KCNK2: variants seen among roughly 807,000 people sequenced by gnomAD.
KCNK2 encodes potassium channel subfamily K member 2.
In KCNK2, 21 loss-of-function variants were observed where a neutral mutation model predicts 40.5. The ratio of observed to expected loss-of-function variants is 0.52; its 90% CI spans 0.37 to 0.75. The LOEUF (loss-of-function observed/expected upper bound fraction) is 0.75. Ranked by LOEUF, KCNK2 falls within the 30% of genes least tolerant of loss-of-function variation. The pLI is 0.00. For synonymous variants in KCNK2, 191 were observed against 202.2 expected, an observed-to-expected ratio of 0.94 and a Z score of 0.47; for missense variants, 399 against 531.6, an observed-to-expected ratio of 0.75 and a Z score of 2.45.
At chr1:215,087,843 G>T (rs1054757909) in intron 2 of KCNK2, among the ~76,000 whole-genome samples, 1 of 152,062 alleles carries the variant, frequency 6.6e-6, no homozygotes, top group Non-Finnish European at 1.5e-5. Flanking sequence ...TACTATCTCT[G>T]CCCTTCATAG....
chr1:215,012,392 C>T (rs1656433630), intron 1 of KCNK2, among the ~76,000 whole-genome samples: 1 of 152,086 alleles, frequency 6.6e-6, no homozygotes, highest in South Asian at 2.1e-4. Flanking sequence ...GTGGTTTTAA[C>T]ATGTTGAATA....
At chr1:215,081,590 T>C (rs1341486845), upstream of KCNK2, among the ~76,000 whole-genome samples, 2 of 152,164 alleles carry the variant, frequency 1.3e-5, no homozygotes, top group East Asian at 1.9e-4. Context: ...AAGCTTTTTT[T>C]CCCCTACAAT....
At chr1:215,123,939 A>G (rs1411722438) in intron 2 of KCNK2, among the ~76,000 whole-genome samples, 3 of 152,054 alleles carry the variant, frequency 2.0e-5, no homozygotes, top group Non-Finnish European at 4.4e-5. Context: ...TCTTAGTACT[A>G]CTCAACATTC....
chr1:215,227,439 G>A (rs944308581), intron 6 of KCNK2, among the ~76,000 whole-genome samples: 4 of 152,176 alleles, frequency 2.6e-5, no homozygotes, highest in Admixed American at 6.5e-5. Flanking sequence ...GAAGAATTTT[G>A]AGGAAATAAA....
chr1:215,116,288 A>G (rs766619669), intron 2 of KCNK2, among the ~76,000 whole-genome samples: 9 of 152,114 alleles, frequency 5.9e-5, no homozygotes, highest in Non-Finnish European at 1.2e-4. Context: ...ACGTGAATAT[A>G]TGCATGTTGC....
At chr1:215,153,325 A>C (rs989345398) in intron 3 of KCNK2, among the ~76,000 whole-genome samples, 4 of 152,184 alleles carry the variant, frequency 2.6e-5, no homozygotes, top group African/African-American at 7.2e-5. Context: ...GTCACGATCC[A>C]AGGTTTAAAT....
chr1:215,203,665 T>C (rs1201881880), intron 6 of KCNK2, among the ~76,000 whole-genome samples: 1 of 151,780 alleles, frequency 6.6e-6, no homozygotes, highest in Non-Finnish European at 1.5e-5. Context: ...AAACAAAAAC[T>C]ATTGAGGGTG....
chr1:215,115,579 C>T (rs1287658013), intron 2 of KCNK2, among the ~76,000 whole-genome samples: 1 of 152,018 alleles, frequency 6.6e-6, no homozygotes, highest in Non-Finnish European at 1.5e-5. Flanking sequence ...AGGACAACCT[C>T]TTTTAAAGGA....
At chr1:215,210,765 T>C (rs1665709509) in intron 6 of KCNK2, among the ~76,000 whole-genome samples, 1 of 152,162 alleles carries the variant, frequency 6.6e-6, no homozygotes, top group South Asian at 2.1e-4. Context: ...CAGAATATGC[T>C]TTACATGCAA....
chr1:215,108,119 C>T (rs1355266153), intron 2 of KCNK2, among the ~76,000 whole-genome samples: 1 of 152,080 alleles, frequency 6.6e-6, no homozygotes, highest in African/African-American at 2.4e-5. Flanking sequence ...GGTTTGAGCT[C>T]CTGTGAGAAT....
chr1:215,109,166 A>C (rs1660571435), intron 2 of KCNK2, among the ~76,000 whole-genome samples: 1 of 152,054 alleles, frequency 6.6e-6, no homozygotes, highest in African/African-American at 2.4e-5. Context: ...TATTTAGGAT[A>C]TCTGTCACCT....
chr1:215,035,633 C>T (rs1022915613), intron 1 of KCNK2, among the ~76,000 whole-genome samples: 57 of 151,958 alleles, frequency 3.8e-4, no homozygotes, highest in African/African-American at 1.3e-3. Context: ...TTTGTTTATG[C>T]ATTCACCTGT....
chr1:215,112,294 G>C (rs546780432), intron 2 of KCNK2, among the ~76,000 whole-genome samples: 2 of 151,342 alleles, frequency 1.3e-5, no homozygotes, highest in African/African-American at 4.8e-5. Flanking sequence ...TGCAGGCCTA[G>C]GATGATTTGT....
At position 215,195,100 on chromosome 1, in the gene KCNK2, T is replaced by A; in HGVS notation, c.963+8T>A. On this transcript the variant is annotated splice_region_variant and intron_variant, in intron 6 of 6. Coordinates refer to ENST00000444842, the MANE Select transcript of KCNK2 (RefSeq NM_001017425.3). ...AAAAAGACAAAAGAAGAGGTGAGAA[T>A]TAAGAAGTGTGCAAAAAACTTCTAT... The A allele has an allele frequency of 6.3e-7, 1 of 1,584,914 alleles. No homozygotes were observed. The highest frequency in any genetic ancestry group is 1.2e-5 in the South Asian group (1 of 85,380).
intron 1 of KCNK2, among the ~76,000 whole-genome samples, chr1:215,019,334 GTT>G (rs1383988375): frequency 6.6e-6 from 1 of 152,122 alleles, no homozygotes; most frequent in East Asian, 1.9e-4. Flanking sequence ...GAGATTTTGT[GTT>G]TCTTACTGAG....
chr1:215,021,537 CTTTTTTTTTTTTTTT>C (rs538476962), intron 1 of KCNK2, among the ~76,000 whole-genome samples: 1 of 96,330 alleles, frequency 1.0e-5, no homozygotes, highest in African/African-American at 4.4e-5. Context: ...GGACAACCAT[CTTTTTTTTTTTTTTT>C]TTTTTTTTTT....
intron 3 of KCNK2, among the ~76,000 whole-genome samples, chr1:215,154,597 T>G (rs1662831094): frequency 6.6e-6 from 1 of 152,218 alleles, no homozygotes; most frequent in Non-Finnish European, 1.5e-5. Context: ...ATATCTCATT[T>G]GTCAATTTTG....
intron 3 of KCNK2, among the ~76,000 whole-genome samples, chr1:215,164,024 A>C (rs1358966301): frequency 6.6e-6 from 1 of 152,170 alleles, no homozygotes; most frequent in African/African-American, 2.4e-5. Flanking sequence ...CTCTGGTAGA[A>C]TTTGGCTGTG....
At chr1:215,059,624 A>G (rs1231865726) in intron 1 of KCNK2, among the ~76,000 whole-genome samples, 3 of 152,232 alleles carry the variant, frequency 2.0e-5, no homozygotes, top group Non-Finnish European at 4.4e-5. Flanking sequence ...TGAAAGAGAA[A>G]TGATTTTCTA....
Sources: gnomAD v4.1 joint callset for allele counts (sites outside exome capture counted in the v4.1 genomes callset) on GRCh38, gnomAD v4.1.1 for gene constraint, MANE v1.5 for transcripts, NCBI Gene and HGNC (gene_info 2026-07-23, HGNC 2026-07-21) for gene names.